Variants in CD36 observed in about 807,000 individuals in gnomAD.
The protein encoded by CD36 is CD36 molecule (CD36 blood group).
CD36 carries 119 observed loss-of-function variants against 55.2 expected under a neutral mutation model. The observed-to-expected ratio is 2.15, with a 90% CI of 1.86 to 2.51. The LOEUF is 2.51. Among genes scored for constraint, CD36 ranks in the 30% most tolerant of loss-of-function variants. CD36 has a pLI of 0.00. For missense variants in CD36, 819 were observed against 555.5 expected, an observed-to-expected ratio of 1.47 and a Z score of -4.77; for synonymous variants, 186 against 193.6, an observed-to-expected ratio of 0.96 and a Z score of 0.33.
intron 14 of CD36, among the ~76,000 whole-genome samples, chr7:80,675,585 G>A (rs2116935666): frequency 6.6e-6 from 1 of 151,864 alleles, no homozygotes; most frequent in East Asian, 1.9e-4. Context: ...ATTTTTATGT[G>A]GAAAAATTAC....
chr7:80,661,499 A>C (rs569842615), intron 5 of CD36, among the ~76,000 whole-genome samples: 1 of 152,296 alleles, frequency 6.6e-6, no homozygotes, highest in South Asian at 2.1e-4. Flanking sequence ...AAACAAGTAC[A>C]ACATTTGTTT....
At position 80,664,422 on chromosome 7, in the gene CD36, A is replaced by T; in HGVS notation, c.626A>T (p.Asp209Val). 1 of 1,560,208 alleles carries T rather than the reference A, an allele frequency of 6.4e-7. No homozygotes were observed. Among genetic ancestry groups the T allele is most frequent in the Middle Eastern group, 1.7e-4 (1 of 5,926 alleles). ...GLFYPYNNTADGVYKVFNGKD... is the reference protein window; with the variant it reads ...GLFYPYNNTAVGVYKVFNGKD... ...ATATTTCAGTACAACAATACTGCAG[A>T]TGGAGTTTATAAAGTTTTCAATGGA... is the stretch of plus-strand genomic sequence containing the variant. Residue 209 changes from aspartate (D) to valine (V), a missense_variant, in exon 7 of 15, where the codon GAT becomes GTT. Coordinates refer to ENST00000447544, the MANE Select transcript of CD36 (RefSeq NM_001001548.3).
intron 1 of CD36, among the ~76,000 whole-genome samples, chr7:80,622,302 G>T (rs944984244): frequency 1.3e-5 from 2 of 152,268 alleles, no homozygotes; most frequent in Admixed American, 6.5e-5. Context: ...GGACATGCCA[G>T]TGTGGCCAAG....
intron 1 of CD36, among the ~76,000 whole-genome samples, chr7:80,644,658 A>G (rs532854002): frequency 5.9e-4 from 90 of 152,344 alleles, no homozygotes; most frequent in African/African-American, 2.1e-3. Flanking sequence ...TAATAAAATC[A>G]TAAGAGTGGT....
intron 13 of CD36, 58 bp from the exon 14 acceptor site, chr7:80,673,925 G>A: frequency 7.8e-7 from 1 of 1,279,322 alleles, no homozygotes; most frequent in Admixed American, 1.7e-5. Context: ...GGCAATTGAA[G>A]GGTTTATTTT....
At position 80,638,852 on chromosome 7, in the gene CD36, T is replaced by C. The variant is rs532886092; in HGVS notation, c.-184+106T>C. The C allele has an allele frequency of 5.9e-5, 9 of 151,408 alleles. No homozygotes were observed. In the South Asian group the frequency reaches 1.1e-3, roughly 18 times the overall value. The allele number at this position is 151,408 out of a possible 1,614,324, so 9.4% of individuals were successfully genotyped here. A position where few individuals can be genotyped will look rare whatever the true frequency, so the allele number is the denominator to read the frequency against. On this transcript the variant is annotated intron_variant, in intron 1 of 14. Transcript: ENST00000447544. ...GTATAAATACTCCTAAGAAGTTATA[T>C]AGGAGGACAGGAAAAAAGGTAGTAA...
chr7:80,662,869 A>G (rs559155974), intron 5 of CD36, 121 bp from the exon 6 acceptor site: 1 of 793,904 alleles, frequency 1.3e-6, no homozygotes, highest in Non-Finnish European at 2.1e-6. Flanking sequence ...AGGATCTGGC[A>G]GTAATTTTAA....
chr7:80,669,234 T>C (rs764705186), intron 8 of CD36, among the ~76,000 whole-genome samples: 2 of 152,150 alleles, frequency 1.3e-5, no homozygotes, highest in Non-Finnish European at 2.9e-5. Flanking sequence ...CCATTAAATA[T>C]GTATAGTATG....
At chr7:80,665,224 A>G (rs1368465234) in intron 7 of CD36, among the ~76,000 whole-genome samples, 2 of 151,588 alleles carry the variant, frequency 1.3e-5, no homozygotes, top group Non-Finnish European at 2.9e-5. Flanking sequence ...GCTCCAGCCT[A>G]TTCACCTAAA....
chr7:80,628,030 C>T (rs1793846784), intron 1 of CD36, among the ~76,000 whole-genome samples: 1 of 151,960 alleles, frequency 6.6e-6, no homozygotes, highest in African/African-American at 2.4e-5. Flanking sequence ...CCATTACATG[C>T]ATGATGTCTA....
chr7:80,610,499 A>C (rs888925610), intron 1 of CD36, among the ~76,000 whole-genome samples: 2 of 152,114 alleles, frequency 1.3e-5, no homozygotes, highest in African/African-American at 4.8e-5. Context: ...AGTTTTAGCG[A>C]AACAGAATTT....
intron 1 of CD36, among the ~76,000 whole-genome samples, chr7:80,627,225 C>T (rs927515153): frequency 6.6e-6 from 1 of 152,040 alleles, no homozygotes; most frequent in African/African-American, 2.4e-5. Flanking sequence ...TATCCATTGC[C>T]TTGTAATTCT....
intron 3 of CD36, chr7:80,647,076 A>G: frequency 2.0e-6 from 1 of 496,158 alleles, no homozygotes; most frequent in South Asian, 2.1e-5. Context: ...TGCTGTCTTA[A>G]ATATAAATAC....
At chr7:80,615,079 C>T (rs1040718173) in intron 1 of CD36, among the ~76,000 whole-genome samples, 22 of 152,130 alleles carry the variant, frequency 1.4e-4, no homozygotes, top group African/African-American at 4.8e-4. Flanking sequence ...GCTGCCACTA[C>T]AAACTGCAAG....
At chr7:80,603,272 A>G (rs988607201) in intron 1 of CD36, among the ~76,000 whole-genome samples, 1 of 152,142 alleles carries the variant, frequency 6.6e-6, no homozygotes, top group South Asian at 2.1e-4. Context: ...TCTCCATGCT[A>G]TTCTGCTATT....
chr7:80,676,245 T>TTC (rs1228025177), intron 14 of CD36, 139 bp from the exon 15 acceptor site: 1 of 152,166 alleles, frequency 6.6e-6, no homozygotes, highest in Non-Finnish European at 1.5e-5. Context: ...GTGGCACTAT[T>TTC]TCTTTTTTTG....
intron 1 of CD36, among the ~76,000 whole-genome samples, chr7:80,605,604 A>C (rs1441639487): frequency 1.3e-5 from 2 of 152,086 alleles, no homozygotes; most frequent in African/African-American, 4.8e-5. Context: ...TGCATCATTT[A>C]CTCTTAAAAT....
chr7:80,633,685 C>A (rs9784998), upstream of CD36, among the ~76,000 whole-genome samples: 8 of 151,768 alleles, frequency 5.3e-5, no homozygotes, highest in Non-Finnish European at 1.2e-4. Flanking sequence ...CTATAAGTGA[C>A]GAGCTGGCAA....
intron 9 of CD36, chr7:80,670,474 A>G: frequency 4.4e-6 from 1 of 228,588 alleles, no homozygotes; most frequent in Admixed American, 5.2e-5. Flanking sequence ...TTTTTTTCTT[A>G]TCTGTACAAT....
Sources: gnomAD v4.1 joint callset for allele counts (sites outside exome capture counted in the v4.1 genomes callset) on GRCh38, gnomAD v4.1.1 for gene constraint, MANE v1.5 for transcripts, NCBI Gene and HGNC (gene_info 2026-07-23, HGNC 2026-07-21) for gene names.